Variants in NPAS3 observed in about 807,000 individuals in gnomAD.
NPAS3 encodes neuronal PAS domain-containing protein 3.
NPAS3 carries 14 observed loss-of-function variants against 73.1 expected under a neutral mutation model. The observed-to-expected ratio is 0.19, with a 90% CI of 0.13 to 0.30. NPAS3 has a LOEUF of 0.30. Among genes scored for constraint, NPAS3 ranks in the 10% least tolerant of loss-of-function variants. The pLI is 1.00. For synonymous variants in NPAS3, 620 were observed against 541.5 expected (o/e 1.14, Z -2.01); for missense variants, 1,096 against 1,250.0 (o/e 0.88, Z 1.86).
At chr14:33,097,300 A>G (rs1038164425) in intron 2 of NPAS3, among the ~76,000 whole-genome samples, 2 of 152,220 alleles carry the variant, frequency 1.3e-5, no homozygotes, top group Non-Finnish European at 2.9e-5. Context: ...CCTATAATAG[A>G]ATCATATCAT....
chr14:33,061,281 T>G (rs1566517172), intron 2 of NPAS3, among the ~76,000 whole-genome samples: 1 of 152,172 alleles, frequency 6.6e-6, no homozygotes, highest in Non-Finnish European at 1.5e-5. Flanking sequence ...TATTATACAG[T>G]CATCTTCCCC....
intron 7 of NPAS3, among the ~76,000 whole-genome samples, chr14:33,768,355 T>A (rs1254180996): frequency 6.6e-6 from 1 of 152,236 alleles, no homozygotes. Flanking sequence ...TTCTGAAGAA[T>A]GTCTGTAGAT....
intron 2 of NPAS3, among the ~76,000 whole-genome samples, chr14:33,166,663 A>T (rs1343714807): frequency 6.6e-6 from 1 of 152,202 alleles, no homozygotes; most frequent in South Asian, 2.1e-4. Flanking sequence ...CCCCTTTGAT[A>T]GACATATTGC....
chr14:33,530,354 T>G (rs907204040), intron 4 of NPAS3, among the ~76,000 whole-genome samples: 6 of 152,124 alleles, frequency 3.9e-5, no homozygotes, highest in African/African-American at 1.4e-4. Context: ...CAATTTTCCT[T>G]TATTTATCTT....
chr14:33,294,767 TG>T (rs2042228368), intron 3 of NPAS3, among the ~76,000 whole-genome samples: 1 of 152,200 alleles, frequency 6.6e-6, no homozygotes, highest in Non-Finnish European at 1.5e-5. Context: ...GTATTTATGT[TG>T]GGCCTTAAAA....
intron 4 of NPAS3, among the ~76,000 whole-genome samples, chr14:33,424,374 C>T (rs2048470713): frequency 1.3e-5 from 2 of 151,966 alleles, no homozygotes; most frequent in Non-Finnish European, 2.9e-5. Context: ...TGGGTTCAGA[C>T]TGCAGACCAA....
At position 33,774,307 on chromosome 14, in the gene NPAS3, T is replaced by C. The variant is rs761112612; in HGVS notation, c.853-30T>C. ...GTTATATCTGGGATGTAAATTTGAC[T>C]GGTGTCCTGTACTTAATGTTGTTTT... On this transcript the variant is annotated intron_variant, in intron 7 of 11. Transcript: ENST00000356141. The C allele has an allele frequency of 5.1e-6, 8 of 1,569,290 alleles. No individual in the cohort carries two copies. In the African/African-American group the frequency reaches 1.1e-4, roughly 21 times the overall value.
intron 1 of NPAS3, among the ~76,000 whole-genome samples, chr14:32,946,214 T>C (rs1226871467): frequency 6.6e-6 from 1 of 152,190 alleles, no homozygotes; most frequent in African/African-American, 2.4e-5. Flanking sequence ...CGTGTGCTAA[T>C]AAACAGGTAC....
chr14:32,952,776 T>C (rs2036532273), intron 1 of NPAS3, among the ~76,000 whole-genome samples: 1 of 152,126 alleles, frequency 6.6e-6, no homozygotes, highest in Non-Finnish European at 1.5e-5. Flanking sequence ...TGATACGTAG[T>C]GTCAACCAAA....
intron 4 of NPAS3, among the ~76,000 whole-genome samples, chr14:33,484,561 C>T (rs528547652): frequency 1.3e-5 from 2 of 152,254 alleles, no homozygotes; most frequent in African/African-American, 2.4e-5. Context: ...TTCCTCACAC[C>T]GAATCCCCCA....
At chr14:33,482,483 A>G (rs2051376943) in intron 4 of NPAS3, among the ~76,000 whole-genome samples, 1 of 152,186 alleles carries the variant, frequency 6.6e-6, no homozygotes, top group Non-Finnish European at 1.5e-5. Flanking sequence ...TTGATTCCAT[A>G]CAGAGTTTAA....
chr14:33,578,938 A>C (rs2056555664), intron 5 of NPAS3, among the ~76,000 whole-genome samples: 1 of 152,266 alleles, frequency 6.6e-6, no homozygotes, highest in East Asian at 1.9e-4. Flanking sequence ...AGGAAGTAGA[A>C]ATGAACTTAC....
At chr14:33,511,130 G>A (rs1449977766) in intron 4 of NPAS3, among the ~76,000 whole-genome samples, 1 of 152,014 alleles carries the variant, frequency 6.6e-6, no homozygotes, top group Non-Finnish European at 1.5e-5. Context: ...CAGCGTTCAG[G>A]TGCCTTGTGT....
chr14:33,422,151 C>T (rs1396094180), intron 4 of NPAS3, among the ~76,000 whole-genome samples: 3 of 151,894 alleles, frequency 2.0e-5, no homozygotes, highest in Admixed American at 1.3e-4. Context: ...GACTAATTCT[C>T]GGCTCTGTAT....
Position 33,292,002 on chromosome 14 carries a change from C to A in NPAS3, c.386-75184C>A, listed in dbSNP as rs141334027. On this transcript the variant is annotated intron_variant, in intron 3 of 11. Transcript: ENST00000356141. Reference sequence around the variant, plus strand: ...CCACAGCATTTTGCCGGTCTAATTTCTTTGATAAATCAAAAAGGATGCATT... The same window carrying A: ...CCACAGCATTTTGCCGGTCTAATTTATTTGATAAATCAAAAAGGATGCATT... 6.1e-3 allele frequency among the ~76,000 whole-genome samples: 932 copies of A among 152,254 alleles called. 13 individuals are homozygous for A. Among genetic ancestry groups the A allele is most frequent in the African/African-American group, 0.021 (858 of 41,542 alleles).
chr14:33,769,745 ATTTTTTTTTTCTTTTTT>A (rs1322364728), intron 7 of NPAS3, among the ~76,000 whole-genome samples: 1 of 103,354 alleles, frequency 9.7e-6, no homozygotes, highest in Non-Finnish European at 1.9e-5. Flanking sequence ...AAAGACTTGG[ATTTTTTTTTTCTTTTTT>A]TTTTTTTTTT....
chr14:33,171,330 C>T (rs146253522), intron 2 of NPAS3, among the ~76,000 whole-genome samples: 1 of 152,342 alleles, frequency 6.6e-6, no homozygotes, highest in East Asian at 1.9e-4. Flanking sequence ...AGTTCTACCA[C>T]TATTCTTAAT....
intron 4 of NPAS3, among the ~76,000 whole-genome samples, chr14:33,375,076 T>C (rs1190944852): frequency 6.6e-6 from 1 of 152,138 alleles, no homozygotes; most frequent in Non-Finnish European, 1.5e-5. Flanking sequence ...TGATGGCTCT[T>C]TTTGCTAAAG....
chr14:33,215,650 C>A, intron 3 of NPAS3: 1 of 695,912 alleles, frequency 1.4e-6, no homozygotes, highest in Non-Finnish European at 2.6e-6. Context: ...AAAATTCTGT[C>A]ACTTTATATA....
Sources: gnomAD v4.1 joint callset for allele counts (sites outside exome capture counted in the v4.1 genomes callset) on GRCh38, gnomAD v4.1.1 for gene constraint, MANE v1.5 for transcripts, NCBI Gene and HGNC (gene_info 2026-07-23, HGNC 2026-07-21) for gene names.